The following LRTM1 variants were observed in gnomAD, a reference collection of about 807,000 sequenced individuals.
LRTM1 encodes leucine rich repeat transmembrane protein 1.
A neutral mutation model predicts 32.4 loss-of-function variants in LRTM1; 38 were observed. The ratio of observed to expected loss-of-function variants is 1.17; its 90% CI spans 0.91 to 1.54. LRTM1 has a LOEUF of 1.54. Ranked by LOEUF, LRTM1 falls within the 40% of genes most tolerant of loss-of-function variation. LRTM1 has a pLI of 0.00. For synonymous variants in LRTM1, 186 were observed against 169.9 expected, an observed-to-expected ratio of 1.09 and a Z score of -0.74; for missense variants, 466 against 415.4, an observed-to-expected ratio of 1.12 and a Z score of -1.06.
At chr3:54,942,722 C>T (rs1010041637) in intron 1 of LRTM1, among the ~76,000 whole-genome samples, 1 of 151,738 alleles carries the variant, frequency 6.6e-6, no homozygotes, top group Non-Finnish European at 1.5e-5. Flanking sequence ...GGCTCCATCT[C>T]TAAAAAAATA....
rs1300118522 is a variant in LRTM1 at position 54,918,320 on chromosome 3, TC to T, written c.*138del. On this transcript the variant is annotated 3_prime_UTR_variant, in exon 3 of 3. Coordinates refer to ENST00000273286, the MANE Select transcript of LRTM1 (RefSeq NM_020678.4). Reference sequence around the variant, plus strand: ...CCCAGAAATATTTTTTACAGACACATCTTTTTTTTTTCTTTTTTTTTTTTTT... The same window carrying T: ...CCCAGAAATATTTTTTACAGACACATTTTTTTTTTTCTTTTTTTTTTTTTT... 19 of 627,640 alleles carry T rather than the reference TC, an allele frequency of 3.0e-5. No homozygotes were observed. The East Asian group carries it at 3.9e-4, about 13-fold the overall frequency. 38.9% of individuals were successfully genotyped at this position (627,640 alleles called of 1,614,324 possible).
intron 1 of LRTM1, among the ~76,000 whole-genome samples, chr3:54,943,343 T>G (rs80007672): frequency 0.023 from 3,497 of 152,284 alleles, 133 homozygotes; most frequent in African/African-American, 0.076. Context: ...TTTCTCACTG[T>G]CAAGTTAAGA....
chr3:54,956,515 C>T (rs1320170649), intron 1 of LRTM1, among the ~76,000 whole-genome samples: 1 of 152,184 alleles, frequency 6.6e-6, no homozygotes, highest in African/African-American at 2.4e-5. Flanking sequence ...TCAGTCTTTT[C>T]AAACTCGTTA....
intron 2 of LRTM1, among the ~76,000 whole-genome samples, chr3:54,920,879 G>T (rs61601184): frequency 2.0e-5 from 3 of 152,132 alleles, no homozygotes; most frequent in Non-Finnish European, 4.4e-5. Context: ...CAGACTTTCT[G>T]TTGTTCGGTA....
intron 2 of LRTM1, among the ~76,000 whole-genome samples, chr3:54,922,858 G>C (rs1242728051): frequency 6.6e-6 from 1 of 152,024 alleles, no homozygotes; most frequent in Admixed American, 6.6e-5. Context: ...TCAGCTGAAG[G>C]CATCACCATT....
chr3:54,944,655 T>A (rs1010702609), intron 1 of LRTM1, among the ~76,000 whole-genome samples: 2 of 152,148 alleles, frequency 1.3e-5, no homozygotes, highest in Non-Finnish European at 2.9e-5. Context: ...ACTCCTGACC[T>A]CATGATCCGC....
intron 1 of LRTM1, among the ~76,000 whole-genome samples, chr3:54,942,504 T>C (rs975307277): frequency 5.1e-4 from 77 of 152,336 alleles, no homozygotes; most frequent in African/African-American, 1.8e-3. Context: ...TCTTAATGCA[T>C]CTCTATTTCT....
chr3:54,921,352 T>G (rs1317221769), intron 2 of LRTM1, among the ~76,000 whole-genome samples: 1 of 152,172 alleles, frequency 6.6e-6, no homozygotes, highest in Non-Finnish European at 1.5e-5. Context: ...CTCTGAGGAC[T>G]CAGTTGGATA....
rs150609024 is a variant in LRTM1 at position 54,934,023 on chromosome 3, G to A, written c.-221-8808C>T. On this transcript the variant is annotated intron_variant, in intron 1 of 2. Transcript: ENST00000493075. ...TGACCTGGGGTGGTCCACCTGCCTC[G>A]GCCTCCCAAAGTGCTGGGATAACAG... 2.8e-3 allele frequency among the ~76,000 whole-genome samples: 425 copies of A among 152,134 alleles called. 2 individuals carry two copies. Among genetic ancestry groups the A allele is most frequent in the African/African-American group, 9.7e-3 (404 of 41,504 alleles).
At chr3:54,948,165 C>T (rs1701662926) in intron 1 of LRTM1, among the ~76,000 whole-genome samples, 1 of 152,182 alleles carries the variant, frequency 6.6e-6, no homozygotes, top group Non-Finnish European at 1.5e-5. Context: ...CCTCTCACCC[C>T]CAGCTCACTT....
At chr3:54,934,741 T>G (rs937021426) in intron 1 of LRTM1, among the ~76,000 whole-genome samples, 28 of 152,186 alleles carry the variant, frequency 1.8e-4, no homozygotes, top group African/African-American at 6.3e-4. Context: ...TTTTGTGTTT[T>G]GTTTTTGTTG....
upstream of LRTM1, among the ~76,000 whole-genome samples, chr3:54,933,051 C>CCCTTCCTTCCTTCCTTCCTT (rs60554563): frequency 1.4e-5 from 2 of 139,446 alleles, no homozygotes; most frequent in South Asian, 2.5e-4. Flanking sequence ...ATCCATCCCT[C>CCCTTCCTTCCTTCCTTCCTT]CCTTCCTTCC....
At position 54,924,638 on chromosome 3, in the gene LRTM1, C is replaced by T; in HGVS notation, c.585G>A (p.Leu195=). The change falls in exon 2 of 3, where the codon CTG becomes CTA. Residue 195 remains leucine (L), a synonymous_variant. Coordinates refer to ENST00000273286, the MANE Select transcript of LRTM1 (RefSeq NM_020678.4). ...NCHLLGLKLW[L]EKFVYKGGLT... Reference sequence around the variant, plus strand: ...ACTGACCTTTATAGACAAATTTCTCCAGCCAGAGTTTAAGACCGAGCAAGT... The same window carrying T: ...ACTGACCTTTATAGACAAATTTCTCTAGCCAGAGTTTAAGACCGAGCAAGT... 6.2e-7 allele frequency: 1 copy of T among 1,613,800 alleles called. No individual in the cohort carries two copies. The highest frequency in any genetic ancestry group is 8.5e-7 in the Non-Finnish European group (1 of 1,179,784).
chr3:54,965,492 C>T (rs1432075214), intron 1 of LRTM1, among the ~76,000 whole-genome samples: 1 of 152,198 alleles, frequency 6.6e-6, no homozygotes, highest in Non-Finnish European at 1.5e-5. Context: ...AAGTCAGCCC[C>T]ATTCTCTGCA....
intron 1 of LRTM1, among the ~76,000 whole-genome samples, chr3:54,962,876 T>C (rs1384401990): frequency 6.6e-6 from 1 of 152,198 alleles, no homozygotes; most frequent in African/African-American, 2.4e-5. Context: ...CTCTAGTATG[T>C]TGCAAGTTGA....
intron 1 of LRTM1, among the ~76,000 whole-genome samples, chr3:54,938,813 C>A (rs1002433164): frequency 2.6e-5 from 4 of 152,132 alleles, no homozygotes; most frequent in African/African-American, 9.7e-5. Flanking sequence ...CCATGGCTTG[C>A]GCTAGAAATA....
intron 1 of LRTM1, among the ~76,000 whole-genome samples, chr3:54,947,712 G>T (rs867863364): frequency 6.6e-6 from 1 of 152,092 alleles, no homozygotes; most frequent in Non-Finnish European, 1.5e-5. Flanking sequence ...GTCAGGACTC[G>T]GTCTTGGGAA....
intron 1 of LRTM1, among the ~76,000 whole-genome samples, chr3:54,927,251 G>A (rs931521859): frequency 7.9e-5 from 12 of 152,148 alleles, no homozygotes; most frequent in African/African-American, 2.9e-4. Flanking sequence ...TAGGGCAATA[G>A]GGAAGATGTT....
intron 1 of LRTM1, among the ~76,000 whole-genome samples, chr3:54,949,252 G>T (rs1701695360): frequency 6.6e-6 from 1 of 152,264 alleles, no homozygotes; most frequent in East Asian, 1.9e-4. Flanking sequence ...CAGGTGGAGG[G>T]TGAAGCCTAC....
Sources: allele counts gnomAD v4.1 joint callset (sites outside exome capture counted in the v4.1 genomes callset), GRCh38; gene constraint gnomAD v4.1.1; transcripts MANE v1.5; gene names NCBI Gene and HGNC (gene_info 2026-07-23, HGNC 2026-07-21).